Variants in WDR64 observed in about 807,000 individuals in gnomAD.
WDR64 encodes WD repeat domain 64.
A neutral mutation model predicts 139.3 loss-of-function variants in WDR64; 112 were observed. That is an observed-to-expected ratio of 0.80 (90% confidence interval 0.69 to 0.94). The LOEUF is 0.94. WDR64 is among the 40% of genes least tolerant of loss of function. WDR64 has a pLI of 0.00. For missense variants in WDR64, 1,206 were observed against 1,293.1 expected (o/e 0.93, Z 1.03); for synonymous variants, 444 against 437.7 (o/e 1.01, Z -0.18).
At position 241,693,412 on chromosome 1, in the gene WDR64, G is replaced by A. The variant is rs538508027; in HGVS notation, c.974+5817G>A. Among the ~76,000 whole-genome samples, 90 of 152,228 alleles carry A rather than the reference G, an allele frequency of 5.9e-4. No individual in the cohort carries two copies. In the Middle Eastern group the frequency reaches 0.014, roughly 23 times the overall value. On this transcript the variant is annotated intron_variant, in intron 8 of 27. Coordinates refer to ENST00000437684, the MANE Select transcript of WDR64 (RefSeq NM_001367482.1). ...AGTGGTTTCCAGGGCTTTGAGGGGA[G>A]GGAGGGAGCATAGAGAATTTTAGGG...
chr1:241,738,273 T>C (rs1669399914), intron 10 of WDR64, 90 bp from the exon 11 acceptor site: 4 of 1,458,782 alleles, frequency 2.7e-6, no homozygotes, highest in Non-Finnish European at 3.7e-6. Flanking sequence ...TTTATAAGAG[T>C]GTATTTCAAA....
chr1:241,744,322 T>A, intron 12 of WDR64, 71 bp from the exon 13 acceptor site: 1 of 1,574,606 alleles, frequency 6.4e-7, no homozygotes, highest in Admixed American at 1.8e-5. Context: ...GTTTTGAATA[T>A]GGTGTAATTC....
chr1:241,737,546 T>C (rs543111544), intron 10 of WDR64, among the ~76,000 whole-genome samples: 2 of 152,224 alleles, frequency 1.3e-5, no homozygotes, highest in Non-Finnish European at 2.9e-5. Flanking sequence ...AGGGCTGACG[T>C]AGAGCTAGAA....
intron 13 of WDR64, among the ~76,000 whole-genome samples, chr1:241,744,966 AT>A (rs1669696625): frequency 6.6e-6 from 1 of 152,212 alleles, no homozygotes; most frequent in South Asian, 2.1e-4. Flanking sequence ...CTATATTGGC[AT>A]TGTTCATATG....
intron 8 of WDR64, among the ~76,000 whole-genome samples, chr1:241,705,435 G>A (rs879860528): frequency 9.2e-5 from 14 of 151,538 alleles, no homozygotes; most frequent in South Asian, 2.1e-4. Context: ...CCAGCTACTC[G>A]GGAGGCTGAG....
At chr1:241,743,717 G>T (rs1040795135) in intron 12 of WDR64, among the ~76,000 whole-genome samples, 34 of 152,292 alleles carry the variant, frequency 2.2e-4, no homozygotes, top group African/African-American at 6.7e-4. Context: ...AAAATCTGCA[G>T]GTCTAAGGCC....
At chr1:241,668,326 GGT>G (rs1666100067) in intron 2 of WDR64, among the ~76,000 whole-genome samples, 1 of 151,964 alleles carries the variant, frequency 6.6e-6, no homozygotes, top group African/African-American at 2.4e-5. Flanking sequence ...TGGCCAATAG[GGT>G]GAAACCTCAT....
At chr1:241,664,394 T>C (rs1215147219) in intron 2 of WDR64, among the ~76,000 whole-genome samples, 1 of 152,218 alleles carries the variant, frequency 6.6e-6, no homozygotes, top group Non-Finnish European at 1.5e-5. Flanking sequence ...ATAAAAAAAT[T>C]ATGAACATTT....
chr1:241,790,773 T>C, intron 25 of WDR64, 77 bp downstream of exon 25: 1 of 1,042,804 alleles, frequency 9.6e-7, no homozygotes, highest in Non-Finnish European at 1.4e-6. Context: ...AATTCAAATA[T>C]GTCCAGTAAT....
chr1:241,799,163 T>G (rs1435651154), intron 27 of WDR64, among the ~76,000 whole-genome samples: 1 of 122,428 alleles, frequency 8.2e-6, no homozygotes, highest in Non-Finnish European at 1.6e-5. Context: ...CCCAGGAGTT[T>G]GAGACCAGTC....
chr1:241,793,186 T>A (rs544161314), intron 25 of WDR64, among the ~76,000 whole-genome samples: 1 of 152,278 alleles, frequency 6.6e-6, no homozygotes, highest in Admixed American at 6.5e-5. Context: ...CAAAACAAAA[T>A]GTTGTTTGAG....
intron 2 of WDR64, among the ~76,000 whole-genome samples, chr1:241,665,159 C>T (rs1405020367): frequency 6.6e-6 from 1 of 152,048 alleles, no homozygotes; most frequent in Non-Finnish European, 1.5e-5. Context: ...TAGAAAAACT[C>T]ATGGCCAGCT....
chr1:241,789,710 T>C (rs908795599), intron 24 of WDR64, among the ~76,000 whole-genome samples: 1 of 151,928 alleles, frequency 6.6e-6, no homozygotes, highest in Non-Finnish European at 1.5e-5. Flanking sequence ...GGGAACAACA[T>C]ACACTACACT....
chr1:241,718,224 T>G (rs1002675277), intron 9 of WDR64, among the ~76,000 whole-genome samples: 1 of 152,118 alleles, frequency 6.6e-6, no homozygotes, highest in African/African-American at 2.4e-5. Context: ...CACCAGATAA[T>G]GGGTAAACAG....
chr1:241,769,535 C>G (rs981508794), intron 17 of WDR64, 30 bp downstream of exon 17: 13 of 1,523,036 alleles, frequency 8.5e-6, no homozygotes, highest in Non-Finnish European at 1.2e-5. Flanking sequence ...ACCAGTAATA[C>G]TGTCTGGGAC....
At chr1:241,735,819 TTCTATCTCTCTCTCTCTCTC>T (rs1429603331) in intron 10 of WDR64, among the ~76,000 whole-genome samples, 4 of 129,182 alleles carry the variant, frequency 3.1e-5, no homozygotes, top group Non-Finnish European at 4.9e-5. Flanking sequence ...GTCCTTCTCT[TTCTATCTCTCTCTCTCTCTC>T]TCTCTCTCTC....
At chr1:241,708,695 T>G (rs1558483727) in intron 8 of WDR64, among the ~76,000 whole-genome samples, 1 of 65,822 alleles carries the variant, frequency 1.5e-5, no homozygotes, top group East Asian at 2.3e-4. Context: ...GTCCATGGTT[T>G]TTTTTTTTGT....
At position 241,652,438 on chromosome 1, in the gene WDR64, C is replaced by G; in HGVS notation, c.-47C>G. On this transcript the variant is annotated 5_prime_UTR_variant, in exon 1 of 28. Transcript: ENST00000437684. ...CTGGAAAGTTTTCCAAATTGGTAAACTTGCAGTATTCTTTCTGTACAGAAG... is the reference window on the plus strand; with the variant it reads ...CTGGAAAGTTTTCCAAATTGGTAAAGTTGCAGTATTCTTTCTGTACAGAAG... 6.6e-7 allele frequency: 1 copy of G among 1,519,444 alleles called. No individual in the cohort carries two copies. The highest frequency in any genetic ancestry group is 8.8e-7 in the Non-Finnish European group (1 of 1,132,438). The allele number at this position is 1,519,444 out of a possible 1,614,324, so 94.1% of individuals were successfully genotyped here.
intron 12 of WDR64, 27 bp downstream of exon 12, chr1:241,741,691 GA>G (rs771027784): frequency 1.8e-5 from 28 of 1,545,702 alleles, no homozygotes; most frequent in African/African-American, 9.8e-5. Context: ...TTTTCAAACA[GA>G]AAAAAAGGCA....
Sources: gnomAD v4.1 joint callset for allele counts (sites outside exome capture counted in the v4.1 genomes callset) on GRCh38, gnomAD v4.1.1 for gene constraint, MANE v1.5 for transcripts, NCBI Gene and HGNC (gene_info 2026-07-23, HGNC 2026-07-21) for gene names.